Variants in TYW1 observed in about 807,000 individuals in gnomAD.
TYW1 encodes tRNA-yW synthesizing protein 1 homolog, also known as S-adenosyl-L-methionine-dependent tRNA 4-demethylwyosine synthase TYW1.
In TYW1, 46 loss-of-function variants were observed where a neutral mutation model predicts 96.2. That is an observed-to-expected ratio of 0.48 (90% CI 0.38 to 0.61). The LOEUF is 0.61. Among genes scored for constraint, TYW1 ranks in the 20% least tolerant of loss-of-function variants. The pLI, the probability that TYW1 is intolerant of heterozygous loss-of-function variation, is 0.00. For synonymous variants in TYW1, 274 were observed against 323.0 expected, an observed-to-expected ratio of 0.85 and a Z score of 1.63; for missense variants, 684 against 909.6, an observed-to-expected ratio of 0.75 and a Z score of 3.19.
chr7:67,077,954 C>A (rs1316615060), intron 10 of TYW1, among the ~76,000 whole-genome samples: 1 of 152,118 alleles, frequency 6.6e-6, no homozygotes, highest in African/African-American at 2.4e-5. Flanking sequence ...ACCTTGGCAC[C>A]TTAGTCAAAA....
At chr7:67,084,977 A>G (rs1380296434) in intron 11 of TYW1, among the ~76,000 whole-genome samples, 2 of 152,176 alleles carry the variant, frequency 1.3e-5, no homozygotes, top group African/African-American at 4.8e-5. Context: ...GTCTCTACCT[A>G]CCACTGGTGA....
chr7:67,011,170 T>C (rs1793784311), intron 4 of TYW1, among the ~76,000 whole-genome samples: 1 of 152,136 alleles, frequency 6.6e-6, no homozygotes, highest in Non-Finnish European at 1.5e-5. Flanking sequence ...CCTGAGTAGC[T>C]GGGATTACAG....
intron 13 of TYW1, among the ~76,000 whole-genome samples, chr7:67,182,531 T>C (rs1169037794): frequency 7.3e-6 from 1 of 137,776 alleles, no homozygotes; most frequent in Non-Finnish European, 1.6e-5. Context: ...ACCACTGCAC[T>C]CCAGCCTGGA....
At chr7:67,219,934 C>A (rs1439334828) in intron 15 of TYW1, among the ~76,000 whole-genome samples, 1 of 146,652 alleles carries the variant, frequency 6.8e-6, no homozygotes, top group East Asian at 2.0e-4. Context: ...TCAGTTTGTC[C>A]TGTTTTTAGT....
chr7:67,094,217 A>G (rs539164640), intron 11 of TYW1, among the ~76,000 whole-genome samples: 4 of 152,222 alleles, frequency 2.6e-5, no homozygotes, highest in Admixed American at 2.0e-4. Flanking sequence ...GTGTATATGT[A>G]CCATATTTTC....
chr7:67,118,583 C>T (rs6950170), intron 13 of TYW1, among the ~76,000 whole-genome samples: 41,739 of 151,494 alleles, frequency 0.28, 6,592 homozygotes, highest in African/African-American at 0.44. Flanking sequence ...GGACCGACTA[C>T]ACGTAACCAC....
At position 67,199,806 on chromosome 7, in the gene TYW1, T is replaced by C. The variant is rs573741063; in HGVS notation, c.1977+4469T>C. On this transcript the variant is annotated intron_variant, in intron 15 of 15. Transcript: ENST00000359626. The stretch of plus-strand genomic sequence containing the variant: ...TATCCTTATTCAAAATTGATACTAA[T>C]AGTATTGCTTTCAAGGCCATTATCA... Among the ~76,000 whole-genome samples the C allele has an allele frequency of 1.2e-4, 19 of 152,234 alleles. No individual in the cohort carries two copies. The South Asian group carries it at 3.7e-3, about 30-fold the overall frequency.
chr7:67,160,567 T>C (rs1799130376), intron 13 of TYW1, among the ~76,000 whole-genome samples: 1 of 142,706 alleles, frequency 7.0e-6, no homozygotes, highest in Non-Finnish European at 1.5e-5. Flanking sequence ...CATATACATA[T>C]ACACACATTT....
chr7:66,997,983 T>C, intron 1 of TYW1, 82 bp from the exon 2 acceptor site: 1 of 1,482,306 alleles, frequency 6.7e-7, no homozygotes, highest in East Asian at 2.5e-5. Flanking sequence ...GTAAGGTTGG[T>C]TTTATTTTCT....
At chr7:67,074,935 C>T (rs757606711) in intron 10 of TYW1, among the ~76,000 whole-genome samples, 9 of 152,000 alleles carry the variant, frequency 5.9e-5, no homozygotes, top group Admixed American at 4.6e-4. Context: ...TGGGTTCAAG[C>T]GATTCTCCTG....
At chr7:67,010,046 A>G (rs1230423851) in intron 4 of TYW1, among the ~76,000 whole-genome samples, 1 of 148,974 alleles carries the variant, frequency 6.7e-6, no homozygotes, top group Non-Finnish European at 1.5e-5. Context: ...GCAGTGGTGC[A>G]ATCTCAGTTC....
chr7:66,996,853 C>T lies in TYW1; in HGVS notation c.-126C>T, dbSNP rs1183361701. On this transcript the variant is annotated 5_prime_UTR_variant, in exon 1 of 16. Coordinates refer to ENST00000359626, the MANE Select transcript of TYW1 (RefSeq NM_018264.4). ...CCGGCCTGGCAGTGTCATGGCTGCC[C>T]ACAGGTCTGCAGGCACTCGGTACGC... 3 of 1,528,362 alleles carry T rather than the reference C, an allele frequency of 2.0e-6. No homozygotes were observed. The highest frequency in any genetic ancestry group is 2.7e-6 in the Non-Finnish European group (3 of 1,120,374). The allele number at this position is 1,528,362 out of a possible 1,614,324, so 94.7% of individuals were successfully genotyped here. A position where few individuals can be genotyped will look rare whatever the true frequency, so the allele number is the denominator to read the frequency against.
chr7:67,075,073 T>G (rs1382382139), intron 10 of TYW1, among the ~76,000 whole-genome samples: 3 of 152,216 alleles, frequency 2.0e-5, no homozygotes, highest in African/African-American at 7.2e-5. Flanking sequence ...TACAACATGA[T>G]GTACATAGAT....
intron 15 of TYW1, among the ~76,000 whole-genome samples, chr7:67,218,359 AT>A (rs59668382): frequency 4.2e-4 from 62 of 147,166 alleles, no homozygotes; most frequent in Middle Eastern, 7.0e-3. Context: ...ATATTTATTT[AT>A]TTTTTTTTTT....
intron 12 of TYW1, among the ~76,000 whole-genome samples, chr7:67,099,273 C>G (rs1797015678): frequency 2.6e-5 from 4 of 152,104 alleles, no homozygotes; most frequent in Admixed American, 2.0e-4. Context: ...CTCAAGTGAT[C>G]CTCCTGCCTC....
At chr7:67,141,507 C>G (rs1344289278) in intron 13 of TYW1, among the ~76,000 whole-genome samples, 1 of 152,182 alleles carries the variant, frequency 6.6e-6, no homozygotes, top group East Asian at 1.9e-4. Context: ...ATTCCCCCGC[C>G]TTTTGGAAGT....
chr7:67,216,484 G>A lies in TYW1; in HGVS notation c.1977+21147G>A, dbSNP rs1016191974. Reference sequence around the variant, plus strand: ...GATCGGGTGCGTTCAGGGTGGTACCGCCATAGACGAGGTGTGTCTATTTCA... The same window carrying A: ...GATCGGGTGCGTTCAGGGTGGTACCACCATAGACGAGGTGTGTCTATTTCA... On this transcript the variant is annotated intron_variant, in intron 15 of 15. Transcript: ENST00000359626. 4.9e-5 allele frequency among the ~76,000 whole-genome samples: 7 copies of A among 141,542 alleles called. No homozygotes were observed. The East Asian group carries it at 5.9e-4, about 12-fold the overall frequency. 92.9% of individuals were successfully genotyped at this position (141,542 alleles called of 152,430 possible).
chr7:67,153,929 T>C (rs1022017857), intron 13 of TYW1, among the ~76,000 whole-genome samples: 4 of 148,266 alleles, frequency 2.7e-5, no homozygotes, highest in African/African-American at 4.9e-5. Flanking sequence ...GACTTTCTTT[T>C]TTTTTTTTTT....
chr7:67,025,799 A>G (rs1339991561), intron 7 of TYW1, among the ~76,000 whole-genome samples: 1 of 152,198 alleles, frequency 6.6e-6, no homozygotes, highest in African/African-American at 2.4e-5. Context: ...TAACAGCCTC[A>G]ATTTAACTGT....
Sources: gnomAD v4.1 joint callset for allele counts (sites outside exome capture counted in the v4.1 genomes callset) on GRCh38, gnomAD v4.1.1 for gene constraint, MANE v1.5 for transcripts, NCBI Gene and HGNC (gene_info 2026-07-23, HGNC 2026-07-21) for gene names.